Variants in TSHZ1 observed in about 807,000 individuals in gnomAD.
TSHZ1 encodes teashirt zinc finger homeobox 1.
Under a neutral mutation model 67.1 loss-of-function variants are expected in TSHZ1, and 12 were observed. The ratio of observed to expected loss-of-function variants is 0.18; its 90% confidence interval spans 0.11 to 0.29. The LOEUF is 0.29. Among genes scored for constraint, TSHZ1 ranks in the 10% least tolerant of loss-of-function variants. The probability of loss-of-function intolerance (pLI) is 1.00; values close to 1 mark genes in which losing one functional copy is unlikely to be tolerated. For synonymous variants in TSHZ1, 632 were observed against 622.4 expected (o/e 1.02, Z -0.23); for missense variants, 1,305 against 1,413.9 (o/e 0.92, Z 1.23).
chr18:75,281,770 G>A lies in TSHZ1; in HGVS notation c.41-3678G>A, dbSNP rs535860087. Among the ~76,000 whole-genome samples, 13 of 152,254 alleles carry A rather than the reference G, an allele frequency of 8.5e-5. No individual in the cohort carries two copies. The highest frequency in any genetic ancestry group is 2.4e-4 in the African/African-American group (10 of 41,544). On this transcript the variant is annotated intron_variant, in intron 1 of 1. Transcript: ENST00000580243. The surrounding 1 kb of genome is among the most constrained non-coding windows in gnomAD (Gnocchi z 5.3). ...CCACATGCTGCTCATGGGTGCAACC[G>A]GGTGGGGAGTGAGAAGTTGCCTCCA...
At chr18:75,261,346 T>G (rs1266199532) in intron 1 of TSHZ1, among the ~76,000 whole-genome samples, 1 of 152,200 alleles carries the variant, frequency 6.6e-6, no homozygotes, top group Admixed American at 6.5e-5. Flanking sequence ...GGGTGATTCT[T>G]TTGAAGGACA....
chr18:75,222,887 A>T (rs1430687016), intron 1 of TSHZ1, among the ~76,000 whole-genome samples: 1 of 152,180 alleles, frequency 6.6e-6, no homozygotes, highest in African/African-American at 2.4e-5. Context: ...TAGACTACTG[A>T]GAGTCTGGCC....
rs541836048 is a variant in TSHZ1, at chr18:75,220,234, T to A, written c.40+8318T>A. Among the ~76,000 whole-genome samples the A allele has an allele frequency of 1.3e-4, 20 of 152,278 alleles. No individual in the cohort carries two copies. In the South Asian group the frequency reaches 1.5e-3, roughly 11 times the overall value. On this transcript the variant is annotated intron_variant, in intron 1 of 1. Transcript: ENST00000580243. ...ACAGCAACTCAAACAAAATATTAAT[T>A]TTTTTGCGTGTGTGCCTATTTTCTT... is the stretch of plus-strand genomic sequence containing the variant.
intron 1 of TSHZ1, among the ~76,000 whole-genome samples, chr18:75,231,245 G>C (rs1318158907): frequency 6.6e-6 from 1 of 152,262 alleles, no homozygotes; most frequent in Admixed American, 6.5e-5. Context: ...TCAGGCTGCT[G>C]TGCTGGCAGG....
At chr18:75,232,647 C>G (rs892947446) in intron 1 of TSHZ1, among the ~76,000 whole-genome samples, 1 of 152,128 alleles carries the variant, frequency 6.6e-6, no homozygotes, top group Admixed American at 6.5e-5. Context: ...TTTCTGGACT[C>G]CAGGTAAACC....
Position 75,287,129 on chromosome 18 carries a change from T to C in TSHZ1, c.1722T>C (p.Gly574=). The change falls in exon 2 of 2, where the codon GGT becomes GGC. Residue 574 remains glycine (G), a synonymous_variant. Coordinates refer to ENST00000580243, the MANE Select transcript of TSHZ1 (RefSeq NM_001308210.2). This position sits in a 1 kb window ranked among gnomAD's most constrained non-coding sequence, Gnocchi z 5.0. ...SKAQNGAPSW[G]GYPSIHAAYQ... ...CTCAGAATGGTGCGCCCTCATGGGG[T>C]GGCTACCCCAGCATCCATGCAGCCT... The C allele has an allele frequency of 1.2e-6, 2 of 1,613,990 alleles. No individual in the cohort carries two copies. Among genetic ancestry groups the C allele is most frequent in the Non-Finnish European group, 1.7e-6 (2 of 1,179,996 alleles).
intron 1 of TSHZ1, among the ~76,000 whole-genome samples, chr18:75,212,159 G>T (rs1166212711): frequency 6.6e-6 from 1 of 152,132 alleles, no homozygotes; most frequent in African/African-American, 2.4e-5. Context: ...CGGGAAGCCC[G>T]GATGGCCGGG....
At chr18:75,212,075 C>G (rs968412243) in intron 1 of TSHZ1, among the ~76,000 whole-genome samples, 159 bp downstream of exon 1, 6 of 151,980 alleles carry the variant, frequency 3.9e-5, no homozygotes, top group African/African-American at 1.4e-4. Context: ...AGGCTGCGGT[C>G]GCCGTCCTCC....
At chr18:75,269,006 G>A (rs922444036) in intron 1 of TSHZ1, among the ~76,000 whole-genome samples, 7 of 152,148 alleles carry the variant, frequency 4.6e-5, no homozygotes, top group African/African-American at 9.7e-5. Context: ...TTTGATTGAC[G>A]ACAGTGAGGC....
intron 1 of TSHZ1, among the ~76,000 whole-genome samples, chr18:75,252,611 G>C (rs956528884): frequency 3.3e-5 from 5 of 152,022 alleles, no homozygotes; most frequent in Non-Finnish European, 1.5e-5. Context: ...ATTAATTTTG[G>C]TATATGGTGT....
intron 1 of TSHZ1, among the ~76,000 whole-genome samples, chr18:75,249,706 G>C (rs2023271524): frequency 6.7e-6 from 1 of 148,512 alleles, no homozygotes; most frequent in East Asian, 2.0e-4. Context: ...TCCTGCAGTA[G>C]GTAGGGGTGA....
chr18:75,234,535 G>A lies in TSHZ1; in HGVS notation c.40+22619G>A, dbSNP rs1396543446. ...TTCTGGAGGATGGGATAGTGGCGAT[G>A]CTCTGGGAATAATAACTGCTTTGCT... On this transcript the variant is annotated intron_variant, in intron 1 of 1. Transcript: ENST00000580243. Among the ~76,000 whole-genome samples, 5 of 152,110 alleles carry A rather than the reference G, an allele frequency of 3.3e-5. No homozygotes were observed. The East Asian group carries it at 9.6e-4, about 29-fold the overall frequency.
chr18:75,279,077 CT>C (rs568231195), intron 1 of TSHZ1, among the ~76,000 whole-genome samples: 14 of 152,186 alleles, frequency 9.2e-5, no homozygotes, highest in African/African-American at 3.1e-4. Flanking sequence ...GGCCCCTGGC[CT>C]GGGGTGGTGG....
chr18:75,211,551 C>A lies in TSHZ1; in HGVS notation c.-326C>A, dbSNP rs1368057224. 1.4e-5 allele frequency: 2 copies of A among 142,722 alleles called. No homozygotes were observed. Among genetic ancestry groups the A allele is most frequent in the African/African-American group, 5.0e-5 (2 of 39,964 alleles). The allele number at this position is 142,722 out of a possible 1,614,324, so 8.8% of individuals were successfully genotyped here. On this transcript the variant is annotated 5_prime_UTR_variant, in exon 1 of 2. Transcript: ENST00000580243. ...GCAGCATGGAGCGCGGGCCGCGGGC[C>A]GGCCCGCCGAGCGCCCGCTGCTGCG... is the stretch of plus-strand genomic sequence containing the variant.
chr18:75,244,353 A>C (rs1056651265), intron 1 of TSHZ1, among the ~76,000 whole-genome samples: 1 of 152,300 alleles, frequency 6.6e-6, no homozygotes, highest in East Asian at 1.9e-4. Context: ...TTCTTGCAAC[A>C]ACCATTTTTG....
At chr18:75,241,258 T>C (rs987197421) in intron 1 of TSHZ1, among the ~76,000 whole-genome samples, 12 of 152,184 alleles carry the variant, frequency 7.9e-5, no homozygotes, top group Non-Finnish European at 1.6e-4. Context: ...GCTGGGGGTC[T>C]GCTCCTGCAG....
chr18:75,218,667 C>A (rs1269000868), intron 1 of TSHZ1, among the ~76,000 whole-genome samples: 2 of 152,218 alleles, frequency 1.3e-5, no homozygotes, highest in Non-Finnish European at 2.9e-5. Flanking sequence ...GGAGCCGTTC[C>A]ACCCTAGCAG....
intron 1 of TSHZ1, among the ~76,000 whole-genome samples, chr18:75,256,003 G>A (rs753051617): frequency 6.6e-6 from 1 of 152,086 alleles, no homozygotes; most frequent in Admixed American, 6.5e-5. Context: ...AGGGATATTG[G>A]CCAAGGCAAG....
chr18:75,217,865 C>T (rs1412645045), intron 1 of TSHZ1, among the ~76,000 whole-genome samples: 2 of 151,736 alleles, frequency 1.3e-5, no homozygotes, highest in Non-Finnish European at 2.9e-5. Context: ...GATATTGGGT[C>T]GATTGTTATA....
Sources: gnomAD v4.1 joint callset for allele counts (sites outside exome capture counted in the v4.1 genomes callset) on GRCh38, gnomAD v4.1.1 for gene constraint, Gnocchi (gnomAD v3.1) non-coding constraint, MANE v1.5 for transcripts, NCBI Gene and HGNC (gene_info 2026-07-23, HGNC 2026-07-21) for gene names.